The following MARCHF1 variants were observed in gnomAD, a reference collection of about 807,000 sequenced individuals.
The protein encoded by MARCHF1 is membrane associated ring-CH-type finger 1, also known as E3 ubiquitin-protein ligase MARCHF1.
In MARCHF1, 40 loss-of-function variants were observed where a neutral mutation model predicts 54.2. That is an observed-to-expected ratio of 0.74 (90% CI 0.57 to 0.96). The LOEUF (loss-of-function observed/expected upper bound fraction) is 0.96. Among genes scored for constraint, MARCHF1 ranks in the 40% least tolerant of loss-of-function variants. MARCHF1 has a pLI of 0.00. For synonymous variants in MARCHF1, 236 were observed against 236.3 expected, an observed-to-expected ratio of 1.00 and a Z score of 0.01; for missense variants, 586 against 656.5, an observed-to-expected ratio of 0.89 and a Z score of 1.17.
chr4:164,242,626 G>T (rs549324258), intron 1 of MARCHF1, among the ~76,000 whole-genome samples: 1 of 152,156 alleles, frequency 6.6e-6, no homozygotes, highest in East Asian at 1.9e-4. Flanking sequence ...AAGCTGGATG[G>T]AGAATGACTT....
At chr4:164,327,991 T>G (rs1207281145) in intron 1 of MARCHF1, among the ~76,000 whole-genome samples, 1 of 152,128 alleles carries the variant, frequency 6.6e-6, no homozygotes, top group South Asian at 2.1e-4. Context: ...CCAGGAGAGA[T>G]ATTTGGGCTG....
chr4:163,666,721 G>A (rs1303554659), intron 5 of MARCHF1, among the ~76,000 whole-genome samples: 1 of 146,930 alleles, frequency 6.8e-6, no homozygotes, highest in Non-Finnish European at 1.5e-5. Context: ...TTTTTTTTTT[G>A]GCCTATTTTC....
At chr4:163,580,193 C>T (rs1040735859) in intron 8 of MARCHF1, among the ~76,000 whole-genome samples, 1 of 152,016 alleles carries the variant, frequency 6.6e-6, no homozygotes, top group Non-Finnish European at 1.5e-5. Context: ...ATTTTCCTGC[C>T]TCAGCCTCCC....
At chr4:164,372,355 AAC>A (rs1402333986) in intron 1 of MARCHF1, among the ~76,000 whole-genome samples, 2 of 152,190 alleles carry the variant, frequency 1.3e-5, no homozygotes, top group African/African-American at 4.8e-5. Context: ...TGAAAAAGAT[AAC>A]AGAGACTCTA....
intron 5 of MARCHF1, among the ~76,000 whole-genome samples, chr4:163,682,488 G>T (rs751560838): frequency 1.3e-5 from 2 of 152,144 alleles, no homozygotes; most frequent in South Asian, 4.1e-4. Context: ...GTTTAGTGCC[G>T]CGGGCCCAGG....
At chr4:164,091,232 G>A (rs965296707) in intron 2 of MARCHF1, among the ~76,000 whole-genome samples, 1 of 151,784 alleles carries the variant, frequency 6.6e-6, no homozygotes, top group African/African-American at 2.4e-5. Flanking sequence ...AGTGTTGAAT[G>A]ATATCTTCTT....
intron 4 of MARCHF1, among the ~76,000 whole-genome samples, chr4:163,708,835 A>G (rs183018447): frequency 2.8e-3 from 426 of 152,198 alleles, no homozygotes; most frequent in Non-Finnish European, 4.4e-3. Context: ...ATGGAGGGCA[A>G]GGAATCTTAA....
intron 4 of MARCHF1, among the ~76,000 whole-genome samples, chr4:163,782,071 C>T (rs780602966): frequency 1.3e-5 from 2 of 152,012 alleles, no homozygotes; most frequent in Non-Finnish European, 2.9e-5. Context: ...AACAGGTTCC[C>T]TCATATCAAA....
intron 1 of MARCHF1, among the ~76,000 whole-genome samples, chr4:164,374,263 G>C (rs899647846): frequency 4.0e-5 from 6 of 151,814 alleles, no homozygotes; most frequent in Non-Finnish European, 7.4e-5. Flanking sequence ...TTTAAGTTTT[G>C]CTTTAATATT....
intron 1 of MARCHF1, among the ~76,000 whole-genome samples, chr4:164,147,831 A>C (rs1326751414): frequency 7.7e-6 from 1 of 129,924 alleles, no homozygotes; most frequent in Non-Finnish European, 1.5e-5. Context: ...ATAATAAAAA[A>C]AGTCAATAAA....
At chr4:164,299,627 AGAGTT>A (rs1054821860) in intron 1 of MARCHF1, among the ~76,000 whole-genome samples, 6 of 152,338 alleles carry the variant, frequency 3.9e-5, no homozygotes, top group Middle Eastern at 3.4e-3. Context: ...TGCACAGAGT[AGAGTT>A]ATTCCATTTG....
intron 9 of MARCHF1, among the ~76,000 whole-genome samples, chr4:163,541,133 C>T (rs1738710355): frequency 6.6e-6 from 1 of 152,240 alleles, no homozygotes; most frequent in Non-Finnish European, 1.5e-5. Flanking sequence ...TTCTCATCTG[C>T]TGGAGTCAGC....
At chr4:164,041,179 G>T (rs974412996) in intron 2 of MARCHF1, among the ~76,000 whole-genome samples, 3 of 151,986 alleles carry the variant, frequency 2.0e-5, no homozygotes, top group Non-Finnish European at 4.4e-5. Context: ...CACTTAAGCA[G>T]ACCGAGAATT....
In MARCHF1 at chr4:163,896,067, C is replaced by A. The variant is rs147815789; in HGVS notation, c.-38-41898G>T. Among the ~76,000 whole-genome samples the A allele has an allele frequency of 3.6e-3, 553 of 152,204 alleles. 2 individuals are homozygous for A. The highest frequency in any genetic ancestry group is 6.8e-3 in the Middle Eastern group (2 of 294). On this transcript the variant is annotated intron_variant, in intron 3 of 9. Coordinates refer to ENST00000514618, the MANE Select transcript of MARCHF1 (RefSeq NM_001394959.1). ...CTAAAACCAATAATAAAATACCATG[C>A]GTAACCATTTCCCTCTGATTACACT...
At chr4:163,733,225 G>GTGTATATATATATATACACA (rs1745923301) in intron 4 of MARCHF1, among the ~76,000 whole-genome samples, 1 of 13,020 alleles carries the variant, frequency 7.7e-5, no homozygotes, top group Non-Finnish European at 2.3e-4. Flanking sequence ...ATATATACAC[G>GTGTATATATATATATACACA]TGTATATATA....
At chr4:164,042,789 A>ACTT (rs1754156316) in intron 2 of MARCHF1, among the ~76,000 whole-genome samples, 1 of 152,226 alleles carries the variant, frequency 6.6e-6, no homozygotes, top group African/African-American at 2.4e-5. Context: ...CTAGTTAGTT[A>ACTT]CTTCCAAGAT....
chr4:164,040,169 T>C (rs904993654), intron 2 of MARCHF1, among the ~76,000 whole-genome samples: 1 of 144,772 alleles, frequency 6.9e-6, no homozygotes, highest in African/African-American at 2.5e-5. Flanking sequence ...TATATAACTA[T>C]ATATAAATAT....
rs192797622 is a variant in MARCHF1, at chr4:163,670,977, T to C, written c.162+29836A>G. 3.9e-5 allele frequency among the ~76,000 whole-genome samples: 6 copies of C among 152,346 alleles called. No individual in the cohort carries two copies. The East Asian group carries it at 1.2e-3, about 29-fold the overall frequency. On this transcript the variant is annotated intron_variant, in intron 5 of 9. Coordinates refer to ENST00000514618, the MANE Select transcript of MARCHF1 (RefSeq NM_001394959.1). ...GCTAGGCTGACCTAGCAAATGGTAATGGAAAGAACATGAAATTCATTGATT... is the reference window on the plus strand; with the variant it reads ...GCTAGGCTGACCTAGCAAATGGTAACGGAAAGAACATGAAATTCATTGATT...
chr4:164,345,871 T>C (rs1226025896), intron 1 of MARCHF1, among the ~76,000 whole-genome samples: 4 of 152,132 alleles, frequency 2.6e-5, no homozygotes, highest in Admixed American at 2.6e-4. Context: ...TAATGCATTG[T>C]AAATATTGGA....
Sources: gnomAD v4.1 joint callset for allele counts (sites outside exome capture counted in the v4.1 genomes callset) on GRCh38, gnomAD v4.1.1 for gene constraint, MANE v1.5 for transcripts, NCBI Gene and HGNC (gene_info 2026-07-23, HGNC 2026-07-21) for gene names.